HSD17B3: variants seen among roughly 807,000 people sequenced by gnomAD.
HSD17B3 encodes the protein 17-beta-hydroxysteroid dehydrogenase type 3.
In HSD17B3, 29 loss-of-function variants were observed where a neutral mutation model predicts 41.1. The observed-to-expected ratio is 0.71, with a 90% CI of 0.53 to 0.96. HSD17B3 has a LOEUF of 0.96. Ranked by LOEUF, HSD17B3 falls within the 40% of genes least tolerant of loss-of-function variation. The pLI, the probability that HSD17B3 is intolerant of heterozygous loss-of-function variation, is 0.00. For missense variants in HSD17B3, 323 were observed against 374.6 expected (o/e 0.86, Z 1.14); for synonymous variants, 126 against 145.6 (o/e 0.87, Z 0.97).
At chr9:96,277,518 G>A (rs1196825753) in intron 2 of HSD17B3, among the ~76,000 whole-genome samples, 1 of 152,130 alleles carries the variant, frequency 6.6e-6, no homozygotes, top group East Asian at 1.9e-4. Context: ...ACCACAATGA[G>A]CTATCACTTC....
intron 2 of HSD17B3, among the ~76,000 whole-genome samples, chr9:96,255,211 C>T (rs997799672): frequency 3.9e-5 from 6 of 152,014 alleles, no homozygotes; most frequent in South Asian, 2.1e-4. Context: ...TAAGTGCTTT[C>T]CTTGTCCAGG....
intron 2 of HSD17B3, among the ~76,000 whole-genome samples, chr9:96,275,985 G>T (rs1168640371): frequency 6.6e-6 from 1 of 151,646 alleles, no homozygotes; most frequent in Non-Finnish European, 1.5e-5. Context: ...AAGATCCAGT[G>T]GTACGGTGTC....
intron 2 of HSD17B3, among the ~76,000 whole-genome samples, chr9:96,269,052 C>T (rs754403353): frequency 2.7e-5 from 4 of 150,680 alleles, no homozygotes; most frequent in Non-Finnish European, 5.9e-5. Flanking sequence ...TTTCATCGTG[C>T]CAACATCATA....
intron 10 of HSD17B3, among the ~76,000 whole-genome samples, chr9:96,237,227 C>T (rs1014814098): frequency 6.6e-6 from 1 of 152,180 alleles, no homozygotes; most frequent in Non-Finnish European, 1.5e-5. Context: ...ACAATTCCAG[C>T]CCCCTTTAAA....
chr9:96,263,330 A>C (rs1361372902), intron 2 of HSD17B3, among the ~76,000 whole-genome samples: 1 of 152,084 alleles, frequency 6.6e-6, no homozygotes, highest in Non-Finnish European at 1.5e-5. Flanking sequence ...ACTCTTCAAC[A>C]CAAAGCCTAC....
intron 7 of HSD17B3, 44 bp from the exon 8 acceptor site, chr9:96,245,470 C>A (rs755090705): frequency 1.4e-6 from 2 of 1,449,636 alleles, no homozygotes; most frequent in Admixed American, 3.3e-5. Flanking sequence ...TGTTGCCCTA[C>A]CTGACCTTGA....
chr9:96,238,870 C>T (rs1270102468), intron 10 of HSD17B3, among the ~76,000 whole-genome samples: 1 of 152,322 alleles, frequency 6.6e-6, no homozygotes, highest in African/African-American at 2.4e-5. Context: ...CCATGGCCCC[C>T]ACTCCTCTGC....
intron 2 of HSD17B3, among the ~76,000 whole-genome samples, chr9:96,261,396 G>A (rs777518390): frequency 1.6e-4 from 24 of 152,316 alleles, no homozygotes; most frequent in South Asian, 6.2e-4. Context: ...GGGTTTCGCC[G>A]TGTTTCCAGG....
At chr9:96,245,265 G>T (rs2130714192) in intron 8 of HSD17B3, 80 bp downstream of exon 8, 2 of 1,072,354 alleles carry the variant, frequency 1.9e-6, no homozygotes, top group Admixed American at 1.7e-5. Flanking sequence ...CCATCAACTT[G>T]CCAGATGATC....
chr9:96,240,593 T>G (rs1836398731), intron 10 of HSD17B3, among the ~76,000 whole-genome samples, 165 bp downstream of exon 10: 1 of 152,028 alleles, frequency 6.6e-6, no homozygotes, highest in Non-Finnish European at 1.5e-5. Context: ...GTGGCTGAGC[T>G]CCCAGGCTCC....
At chr9:96,240,949 C>T (rs778496266) in intron 9 of HSD17B3, 42 bp from the exon 10 acceptor site, 10 of 1,612,672 alleles carry the variant, frequency 6.2e-6, no homozygotes, top group Non-Finnish European at 8.5e-6. Context: ...AGCAATCCAC[C>T]CCAGGAAGAA....
chr9:96,264,484 A>G (rs1340639811), intron 2 of HSD17B3, among the ~76,000 whole-genome samples: 1 of 152,182 alleles, frequency 6.6e-6, no homozygotes, highest in Non-Finnish European at 1.5e-5. Flanking sequence ...AAGAAATTAG[A>G]GTATGACTCC....
rs905070438 is a variant in HSD17B3, at chr9:96,300,274, G to A, written c.154+1677C>T. 1.9e-3 allele frequency among the ~76,000 whole-genome samples: 249 copies of A among 131,474 alleles called. 1 individual carries two copies. The highest frequency in any genetic ancestry group is 6.4e-3 in the African/African-American group (236 of 36,810). The allele number at this position is 131,474 out of a possible 152,430, so 86.3% of individuals were successfully genotyped here. ...CACACGCACACAGCAAATATAAGACGCAGAAGTCAAAAATCCATTTGTCAT... is the reference window on the plus strand; with the variant it reads ...CACACGCACACAGCAAATATAAGACACAGAAGTCAAAAATCCATTTGTCAT... On this transcript the variant is annotated intron_variant, in intron 1 of 10. Coordinates refer to ENST00000375263, the MANE Select transcript of HSD17B3 (RefSeq NM_000197.2).
At chr9:96,240,583 G>A (rs1364176954) in intron 10 of HSD17B3, among the ~76,000 whole-genome samples, 175 bp downstream of exon 10, 1 of 152,132 alleles carries the variant, frequency 6.6e-6, no homozygotes, top group Non-Finnish European at 1.5e-5. Context: ...GGGTTATCTA[G>A]TGGCTGAGCT....
chr9:96,270,811 G>A (rs966605557), intron 2 of HSD17B3, among the ~76,000 whole-genome samples: 4 of 152,238 alleles, frequency 2.6e-5, no homozygotes, highest in Non-Finnish European at 5.9e-5. Flanking sequence ...ACTCAGCTAA[G>A]CTTTCATCTT....
chr9:96,278,479 A>G lies in HSD17B3; in HGVS notation c.201+19937T>C, dbSNP rs559426033. ...TAAGTTAAAGGAGAACAAAATAAAT[A>G]CACAAAAATTAGATGGCAGTGCTCT... On this transcript the variant is annotated intron_variant, in intron 2 of 10. Coordinates refer to ENST00000375263, the MANE Select transcript of HSD17B3 (RefSeq NM_000197.2). 3.2e-4 allele frequency among the ~76,000 whole-genome samples: 49 copies of G among 152,314 alleles called. 1 individual carries two copies. In the South Asian group the frequency reaches 9.3e-3, roughly 29 times the overall value.
At chr9:96,236,938 G>C (rs936362872) in intron 10 of HSD17B3, among the ~76,000 whole-genome samples, 8 of 152,148 alleles carry the variant, frequency 5.3e-5, no homozygotes, top group African/African-American at 1.7e-4. Flanking sequence ...TTTTAGGGGA[G>C]CTATTCATGT....
At chr9:96,250,502 T>G (rs887430160) in intron 5 of HSD17B3, 2 of 1,049,576 alleles carry the variant, frequency 1.9e-6, no homozygotes, top group African/African-American at 3.3e-5. Context: ...AAGTGGGGAA[T>G]GGAAGCATGA....
intron 6 of HSD17B3, chr9:96,247,073 G>T (rs948356507): frequency 8.5e-6 from 2 of 234,386 alleles, no homozygotes; most frequent in Non-Finnish European, 8.5e-6. Context: ...CTATGAAATA[G>T]CTCCGTGGAC....
Sources: allele counts gnomAD v4.1 joint callset (sites outside exome capture counted in the v4.1 genomes callset), GRCh38; gene constraint gnomAD v4.1.1; transcripts MANE v1.5; gene names NCBI Gene and HGNC (gene_info 2026-07-23, HGNC 2026-07-21).